Variants in CFAP44 observed in about 807,000 individuals in gnomAD.
CFAP44 encodes the protein cilia- and flagella-associated protein 44.
CFAP44 carries 134 observed loss-of-function variants against 216.2 expected under a neutral mutation model. The observed-to-expected ratio is 0.62, with a 90% CI of 0.54 to 0.72. The LOEUF is 0.72. Among genes scored for constraint, CFAP44 ranks in the 30% least tolerant of loss-of-function variants. CFAP44 has a pLI of 0.00. For synonymous variants in CFAP44, 700 were observed against 727.6 expected (o/e 0.96, Z 0.61); for missense variants, 2,035 against 2,182.1 (o/e 0.93, Z 1.34).
intron 18 of CFAP44, among the ~76,000 whole-genome samples, chr3:113,370,918 C>T (rs1452992990): frequency 1.3e-5 from 2 of 150,640 alleles, no homozygotes; most frequent in African/African-American, 4.9e-5. Flanking sequence ...AAATCACAAG[C>T]ATTCCTATAC....
chr3:113,294,860 A>T lies in CFAP44; in HGVS notation c.5239-39T>A, dbSNP rs1208326015. ...AAGATGCAAAATAGATGTAGTGAAT[A>T]CGAGAAGAAAGAAAGAAAAATGAGT... On this transcript the variant is annotated intron_variant, in intron 33 of 34. Transcript: ENST00000393845. 4.7e-6 allele frequency: 7 copies of T among 1,488,046 alleles called. No homozygotes were observed. In the Admixed American group the frequency reaches 1.7e-4, roughly 36 times the overall value. The allele number at this position is 1,488,046 out of a possible 1,614,324, so 92.2% of individuals were successfully genotyped here.
At position 113,420,125 on chromosome 3, in the gene CFAP44, G is replaced by A; in HGVS notation, c.462C>T (p.Asp154=). The A allele has an allele frequency of 1.1e-5, 17 of 1,613,838 alleles. No homozygotes were observed. Among genetic ancestry groups the A allele is most frequent in the Non-Finnish European group, 1.4e-5 (17 of 1,179,868 alleles). The change falls in exon 5 of 35, where the codon GAC becomes GAT. Residue 154 remains aspartate, a synonymous_variant. Transcript: ENST00000393845. ...TCCCAGCTATGTATATGGCGATACTGTCGTCCAGAAGTTGTAGGTTGGCTC... is the reference window on the plus strand; with the variant it reads ...TCCCAGCTATGTATATGGCGATACTATCGTCCAGAAGTTGTAGGTTGGCTC... ...RKRANLQLLD[D]SIAIYIAGNQ...
chr3:113,320,653 AAAATAG>A (rs1369605048), intron 28 of CFAP44, among the ~76,000 whole-genome samples: 2 of 151,780 alleles, frequency 1.3e-5, no homozygotes, highest in Non-Finnish European at 2.9e-5. Context: ...ACAAGGTCCT[AAAATAG>A]ACTGTCTGCA....
chr3:113,317,832 G>C (rs1950102995), intron 28 of CFAP44, among the ~76,000 whole-genome samples: 1 of 152,154 alleles, frequency 6.6e-6, no homozygotes, highest in Admixed American at 6.5e-5. Context: ...CAGTCTTTTT[G>C]CAAGGGGGCC....
At chr3:113,425,483 C>T in intron 4 of CFAP44, among the ~76,000 whole-genome samples, 1 of 152,220 alleles carries the variant, frequency 6.6e-6, no homozygotes. Flanking sequence ...CTCTTATTCT[C>T]CAAACCAATT....
chr3:113,358,740 C>G lies in CFAP44; in HGVS notation c.3065+5G>C. 6.5e-7 allele frequency: 1 copy of G among 1,536,344 alleles called. No homozygotes were observed. Among genetic ancestry groups the G allele is most frequent in the Non-Finnish European group, 8.7e-7 (1 of 1,146,272 alleles). On this transcript the variant is annotated splice_donor_5th_base_variant and intron_variant, in intron 22 of 34. Coordinates refer to ENST00000393845, the MANE Select transcript of CFAP44 (RefSeq NM_001164496.2). ...ATCTTAGCTTGTAGAGAATATGGAT[C>G]CTACCGATTCTTTAGCTTCATTAGG...
At chr3:113,334,054 C>T (rs895423894) in intron 24 of CFAP44, among the ~76,000 whole-genome samples, 2 of 151,442 alleles carry the variant, frequency 1.3e-5, no homozygotes, top group Non-Finnish European at 2.9e-5. Context: ...CAGGTTCAAG[C>T]GATTCTCCTG....
In CFAP44 at chr3:113,340,078, C is replaced by T. The variant is rs538298374; in HGVS notation, c.3437+1666G>A. Among the ~76,000 whole-genome samples the T allele has an allele frequency of 7.0e-4, 107 of 152,270 alleles. 1 individual carries two copies. The highest frequency in any genetic ancestry group is 2.5e-3 in the African/African-American group (102 of 41,564). Reference sequence around the variant, plus strand: ...GGCTACCATCATGGCTTTCTCCCGCCCTGCTCGTGACTGTTGGGCTCGACC... The same window carrying T: ...GGCTACCATCATGGCTTTCTCCCGCTCTGCTCGTGACTGTTGGGCTCGACC... On this transcript the variant is annotated intron_variant, in intron 24 of 34. Transcript: ENST00000393845.
intron 32 of CFAP44, among the ~76,000 whole-genome samples, chr3:113,301,206 TATA>T (rs1217706917): frequency 6.6e-6 from 1 of 152,190 alleles, no homozygotes; most frequent in African/African-American, 2.4e-5. Context: ...CTCTTATGAA[TATA>T]ATATTAAATG....
At chr3:113,417,388 TTGGATAAAATAG>T (rs1462494276) in intron 5 of CFAP44, 1 of 152,204 alleles carries the variant, frequency 6.6e-6, no homozygotes, top group Non-Finnish European at 1.5e-5. Flanking sequence ...GCCATATAAG[TTGGATAAAATAG>T]TATGGTCATT....
intron 28 of CFAP44, among the ~76,000 whole-genome samples, chr3:113,308,571 C>T (rs1284908657): frequency 6.6e-6 from 1 of 151,578 alleles, no homozygotes; most frequent in Non-Finnish European, 1.5e-5. Flanking sequence ...TAAAATCAGA[C>T]AAAAATTTTT....
At chr3:113,346,527 A>AT (rs953121321) in intron 22 of CFAP44, among the ~76,000 whole-genome samples, 1 of 151,958 alleles carries the variant, frequency 6.6e-6, no homozygotes, top group African/African-American at 2.4e-5. Flanking sequence ...TAGCTAAAGG[A>AT]TTTTAAGTGC....
chr3:113,427,233 T>C lies in CFAP44; in HGVS notation c.207A>G (p.Glu69=). The change falls in exon 3 of 35, where the codon GAA becomes GAG. Residue 69 remains glutamate, a synonymous_variant. Transcript: ENST00000393845. ...LEEDSDEERL[E]GSLSSFQYGD... ...CATACTGAAATGAACTCAAACTTCC[T>C]TCCAAACGTTCCTCATCTGAGTCTT... is the stretch of plus-strand genomic sequence containing the variant. 6.2e-7 allele frequency: 1 copy of C among 1,613,662 alleles called. No individual in the cohort carries two copies. The highest frequency in any genetic ancestry group is 1.1e-5 in the South Asian group (1 of 90,924).
chr3:113,324,058 A>AAAAAAAAAAAAAAAAAG (rs1553753480), intron 28 of CFAP44, among the ~76,000 whole-genome samples: 1 of 151,502 alleles, frequency 6.6e-6, no homozygotes, highest in African/African-American at 2.4e-5. Context: ...AAAAAAAAAA[A>AAAAAAAAAAAAAAAAAG]AGAGAGAAAT....
At chr3:113,292,617 A>G (rs1297619957) in intron 34 of CFAP44, among the ~76,000 whole-genome samples, 4 of 152,214 alleles carry the variant, frequency 2.6e-5, no homozygotes, top group Non-Finnish European at 4.4e-5. Context: ...TTCCAGTTTT[A>G]CAGATAAGGA....
intron 6 of CFAP44, among the ~76,000 whole-genome samples, chr3:113,410,390 C>T (rs1934429609): frequency 6.6e-6 from 1 of 152,096 alleles, no homozygotes; most frequent in Non-Finnish European, 1.5e-5. Flanking sequence ...TGAGTGAGAA[C>T]ATGCAGTGTT....
At position 113,395,831 on chromosome 3, in the gene CFAP44, T is replaced by C; in HGVS notation, c.1809A>G (p.Glu603=). ...GSKDQTVFFF[E]VERDYKPIGY... Reference sequence around the variant, plus strand: ...CAATCGGCTTATAATCCCTTTCCACTTCAAAGAAGAAAACAGTTTGATCTT... The same window carrying C: ...CAATCGGCTTATAATCCCTTTCCACCTCAAAGAAGAAAACAGTTTGATCTT... Residue 603 remains glutamate (E), a synonymous_variant, in exon 15 of 35, where the codon GAA becomes GAG. Transcript: ENST00000393845. The C allele has an allele frequency of 6.2e-7, 1 of 1,613,746 alleles. No homozygotes were observed. Among genetic ancestry groups the C allele is most frequent in the Non-Finnish European group, 8.5e-7 (1 of 1,179,854 alleles).
Position 113,366,256 on chromosome 3 carries a change from T to C in CFAP44, c.2498A>G (p.Tyr833Cys), listed in dbSNP as rs562778436. The change falls in exon 19 of 35, where the codon TAT becomes TGT. Residue 833 changes from tyrosine (Y) to cysteine (C), a missense_variant. By Grantham distance (194) the Tyr-to-Cys change is radical. Transcript: ENST00000393845. ...TGAAGGATCATTTTGATTTAGGACA[T>C]AGACTCGAATTGCTCCATTTTTCAT... ...CGMKNGAIRV[Y>C]VLNQNDPSLT... 8.1e-6 allele frequency: 13 copies of C among 1,612,574 alleles called. No individual in the cohort carries two copies. In the South Asian group the frequency reaches 1.1e-4, roughly 14 times the overall value.
At chr3:113,431,758 G>C (rs1457358755) in intron 2 of CFAP44, among the ~76,000 whole-genome samples, 2 of 152,146 alleles carry the variant, frequency 1.3e-5, no homozygotes, top group Non-Finnish European at 2.9e-5. Context: ...TGCAAATTTT[G>C]CATGTGTATT....
Sources: gnomAD v4.1 joint callset for allele counts (sites outside exome capture counted in the v4.1 genomes callset) on GRCh38, gnomAD v4.1.1 for gene constraint, MANE v1.5 for transcripts, NCBI Gene and HGNC (gene_info 2026-07-23, HGNC 2026-07-21) for gene names.